The following UNC80 variants were observed in gnomAD, a reference collection of about 807,000 sequenced individuals.
UNC80 encodes the protein unc-80 subunit of NALCN channel complex.
In UNC80, 164 loss-of-function variants were observed where a neutral mutation model predicts 384.6. The observed-to-expected ratio is 0.43, with a 90% CI of 0.38 to 0.49. The LOEUF is 0.49. Ranked by LOEUF, UNC80 falls within the 20% of genes least tolerant of loss-of-function variation. The probability of loss-of-function intolerance (pLI) is 0.00; values close to 1 mark genes in which losing one functional copy is unlikely to be tolerated. For synonymous variants in UNC80, 1,486 were observed against 1,527.8 expected (o/e 0.97, Z 0.64); for missense variants, 3,330 against 4,143.0 (o/e 0.80, Z 5.39).
At chr2:209,909,013 G>A (rs2088601054) in intron 29 of UNC80, among the ~76,000 whole-genome samples, 2 of 152,152 alleles carry the variant, frequency 1.3e-5, no homozygotes, top group African/African-American at 4.8e-5. Flanking sequence ...ATTAAAAAAA[G>A]AAGAAGAAAT....
At position 209,849,436 on chromosome 2, in the gene UNC80, G is replaced by A; in HGVS notation, c.3455-15G>A. 1 of 1,550,424 alleles carries A rather than the reference G, an allele frequency of 6.4e-7. No homozygotes were observed. The highest frequency in any genetic ancestry group is 8.7e-7 in the Non-Finnish European group (1 of 1,146,130). On this transcript the variant is annotated splice_polypyrimidine_tract_variant and intron_variant, in intron 21 of 64. Coordinates refer to ENST00000673920, the MANE Select transcript of UNC80 (RefSeq NM_001371986.1). ...CTCTCTCTTTCATTCCTCCACCATGGCACCACCTTTACAGGTTGCCACAGT... is the reference window on the plus strand; with the variant it reads ...CTCTCTCTTTCATTCCTCCACCATGACACCACCTTTACAGGTTGCCACAGT...
At chr2:209,825,834 A>G (rs1004016215) in intron 13 of UNC80, 73 bp from the exon 14 acceptor site, 68 of 1,336,652 alleles carry the variant, frequency 5.1e-5, no homozygotes, top group Admixed American at 6.4e-5. Context: ...TAATCATACA[A>G]TAGAATCTTA....
At position 209,936,941 on chromosome 2, in the gene UNC80, A is replaced by G. The variant is rs1575076095; in HGVS notation, c.6363+8A>G. Reference sequence around the variant, plus strand: ...CTTATCCACTACAATAAGGTGAGACACCAGTAGTGACATCCCCGTTGAGTT... The same window carrying G: ...CTTATCCACTACAATAAGGTGAGACGCCAGTAGTGACATCCCCGTTGAGTT... On this transcript the variant is annotated splice_region_variant and intron_variant, in intron 41 of 64. Coordinates refer to ENST00000673920, the MANE Select transcript of UNC80 (RefSeq NM_001371986.1). 2 of 1,518,720 alleles carry G rather than the reference A, an allele frequency of 1.3e-6. 1 individual carries two copies. 94.1% of individuals were successfully genotyped at this position (1,518,720 alleles called of 1,614,324 possible).
intron 58 of UNC80, among the ~76,000 whole-genome samples, chr2:209,977,939 C>T (rs1253152498): frequency 2.6e-5 from 4 of 152,098 alleles, no homozygotes; most frequent in Non-Finnish European, 4.4e-5. Flanking sequence ...TTGTTCTTTG[C>T]AGACAATGTG....
intron 18 of UNC80, among the ~76,000 whole-genome samples, chr2:209,837,150 T>C (rs556147737): frequency 2.0e-5 from 3 of 152,344 alleles, no homozygotes; most frequent in Non-Finnish European, 4.4e-5. Flanking sequence ...CTGATGAGAT[T>C]TTAAGAAATT....
At chr2:209,971,830 T>G (rs1037839788) in intron 54 of UNC80, among the ~76,000 whole-genome samples, 6 of 152,266 alleles carry the variant, frequency 3.9e-5, no homozygotes, top group Non-Finnish European at 8.8e-5. Context: ...GAGGAATAAC[T>G]ACCAAAAGGA....
At chr2:209,948,147 G>A (rs74991935) in intron 47 of UNC80, among the ~76,000 whole-genome samples, 3,558 of 152,208 alleles carry the variant, frequency 0.023, 132 homozygotes, top group African/African-American at 0.081. Flanking sequence ...TGCAATGAAT[G>A]TTTTTGTATA....
intron 29 of UNC80, among the ~76,000 whole-genome samples, chr2:209,909,314 A>G (rs2124936764): frequency 6.6e-6 from 1 of 152,338 alleles, no homozygotes; most frequent in African/African-American, 2.4e-5. Context: ...TGTTCAAACA[A>G]TTAGGGAGAT....
chr2:209,904,808 A>G lies in UNC80; in HGVS notation c.4625A>G (p.His1542Arg). The G allele has an allele frequency of 6.4e-7, 1 of 1,551,982 alleles. No homozygotes were observed. The highest frequency in any genetic ancestry group is 8.7e-7 in the Non-Finnish European group (1 of 1,147,068). ...AATCAGCAGAGTTTCATCTGCACTC[A>G]CGTTGACTACTGCCATCCCCACTGC... is the stretch of plus-strand genomic sequence containing the variant. ...LCNQQSFICT[H>R]VDYCHPHCYL... The change falls in exon 29 of 65, where the codon CAC (histidine) becomes CGC (arginine). Residue 1542 changes from histidine to arginine, a missense_variant. This residue lies in a region of UNC80 where 801 missense variants were observed against 950.8 expected (regional missense o/e 0.84). Transcript: ENST00000673920.
At chr2:209,927,056 G>T in intron 36 of UNC80, 70 bp downstream of exon 36, 2 of 1,500,142 alleles carry the variant, frequency 1.3e-6, no homozygotes, top group Admixed American at 4.1e-5. Context: ...ACAGTAGGTT[G>T]CTCTTAAACA....
chr2:209,882,583 C>A (rs2085397711), intron 25 of UNC80, among the ~76,000 whole-genome samples: 2 of 152,076 alleles, frequency 1.3e-5, no homozygotes, highest in Non-Finnish European at 2.9e-5. Flanking sequence ...TTCATAATAA[C>A]CTGAATCTTT....
chr2:209,865,181 G>A (rs552749363), intron 22 of UNC80, among the ~76,000 whole-genome samples: 5 of 152,182 alleles, frequency 3.3e-5, no homozygotes, highest in African/African-American at 1.2e-4. Flanking sequence ...GTTCTGACGA[G>A]AGAACCTGGA....
intron 23 of UNC80, 74 bp downstream of exon 23, chr2:209,873,044 T>TCAAAACAAACACAA: frequency 7.2e-7 from 1 of 1,383,420 alleles, no homozygotes; most frequent in Non-Finnish European, 1.0e-6. Context: ...TTGATTGTGT[T>TCAAAACAAACACAA]TGTTTTGAAG....
chr2:209,780,643 T>C (rs61356588), intron 4 of UNC80, among the ~76,000 whole-genome samples: 22,275 of 152,072 alleles, frequency 0.15, 2,453 homozygotes, highest in African/African-American at 0.3. Flanking sequence ...ACCCCATTGC[T>C]CCTGAGTTGT....
chr2:209,820,756 T>A, intron 13 of UNC80, 77 bp downstream of exon 13: 1 of 1,446,766 alleles, frequency 6.9e-7, no homozygotes, highest in Non-Finnish European at 9.1e-7. Flanking sequence ...GCCAGCAGTT[T>A]ATTGAATCTG....
At chr2:209,962,024 C>T (rs1377825704) in intron 51 of UNC80, among the ~76,000 whole-genome samples, 12 of 151,984 alleles carry the variant, frequency 7.9e-5, no homozygotes, top group Non-Finnish European at 1.8e-4. Flanking sequence ...GTGAGGAAAC[C>T]CAGCATGGCC....
rs1297752443 is a variant in UNC80 at position 209,992,146 on chromosome 2, A to C, written c.9315-20A>C. 3 of 1,550,744 alleles carry C rather than the reference A, an allele frequency of 1.9e-6. No homozygotes were observed. ...CCTGTACTCTCTCCGGGGTACACTA[A>C]CACTGTTGATGCTTGGCAGGGTGGC... On this transcript the variant is annotated intron_variant, in intron 61 of 64. Transcript: ENST00000673920.
chr2:209,884,790 C>T (rs567303119), intron 25 of UNC80, among the ~76,000 whole-genome samples: 15 of 152,044 alleles, frequency 9.9e-5, no homozygotes, highest in East Asian at 9.7e-4. Context: ...AGCAAACTAA[C>T]GAAGGAACAG....
rs373291979 is a variant in UNC80 at position 209,817,010 on chromosome 2, C to G, written c.1437C>G (p.His479Gln). Residue 479 changes from histidine to glutamine, a missense_variant, in exon 10 of 65, where the codon CAC becomes CAG. By Grantham distance (24) the His-to-Gln change is conservative. Coordinates refer to ENST00000673920, the MANE Select transcript of UNC80 (RefSeq NM_001371986.1). ...PRRMGVPFLL[H>Q]EDHLDVSPTR... ...GAATGGGAGTGCCCTTCCTGCTTCA[C>G]GAGGACCACCTGGATGTGTCCCCCA... The G allele has an allele frequency of 1.0e-5, 16 of 1,551,714 alleles. No individual in the cohort carries two copies. The East Asian group carries it at 3.7e-4, about 36-fold the overall frequency.
Sources: allele counts gnomAD v4.1 joint callset (sites outside exome capture counted in the v4.1 genomes callset), GRCh38; gene constraint gnomAD v4.1.1; regional missense constraint gnomAD v4.1.1; transcripts MANE v1.5; gene names NCBI Gene and HGNC (gene_info 2026-07-23, HGNC 2026-07-21).